RNF123: variants seen among roughly 807,000 people sequenced by gnomAD.
RNF123 encodes E3 ubiquitin-protein ligase RNF123.
RNF123 carries 86 observed loss-of-function variants against 168.5 expected under a neutral mutation model. That is an observed-to-expected ratio of 0.51 (90% CI 0.43 to 0.61). The LOEUF is 0.61. Among genes scored for constraint, RNF123 ranks in the 20% least tolerant of loss-of-function variants. The pLI is 0.00. For synonymous variants in RNF123, 666 were observed against 689.1 expected (o/e 0.97, Z 0.52); for missense variants, 1,419 against 1,729.7 (o/e 0.82, Z 3.19).
chr3:49,702,916 C>T (rs938750578), intron 20 of RNF123, among the ~76,000 whole-genome samples, 163 bp downstream of exon 20: 3 of 152,210 alleles, frequency 2.0e-5, no homozygotes, highest in Non-Finnish European at 4.4e-5. Context: ...GGCTTCTCCA[C>T]TGGGGCAGCA....
rs1575292483 is a variant in RNF123 at position 49,721,237 on chromosome 3, A to G, written c.3877A>G (p.Thr1293Ala). The change falls in exon 39 of 39, where the codon ACC becomes GCC. Residue 1293 changes from threonine (T) to alanine (A), a missense_variant. Thr to Ala is a moderately conservative substitution (Grantham distance 58). This residue lies in a region of RNF123 where 50 missense variants were observed against 77.2 expected (regional missense o/e 0.65). Coordinates refer to ENST00000327697, the MANE Select transcript of RNF123 (RefSeq NM_022064.5). ...MNNKDCFFCK[T>A]TIVSVEDWEK... is the part of the protein sequence containing the mutation. ...CAACAAGGACTGCTTCTTCTGCAAA[A>G]CCACCATCGTGTCTGTAGAGGACTG... The G allele has an allele frequency of 6.2e-7, 1 of 1,614,162 alleles. No individual in the cohort carries two copies. Among genetic ancestry groups the G allele is most frequent in the Non-Finnish European group, 8.5e-7 (1 of 1,180,022 alleles).
At chr3:49,716,240 G>A in intron 34 of RNF123, 63 bp downstream of exon 34, 1 of 1,584,872 alleles carries the variant, frequency 6.3e-7, no homozygotes. Flanking sequence ...GCTAGGAACA[G>A]TGAGGCCTGA....
intron 26 of RNF123, among the ~76,000 whole-genome samples, chr3:49,712,212 T>C (rs2080156812): frequency 7.3e-6 from 1 of 136,278 alleles, no homozygotes; most frequent in South Asian, 2.4e-4. Flanking sequence ...GGTGACTCCA[T>C]CTCAAAAAAA....
chr3:49,698,024 C>A, intron 6 of RNF123, 28 bp from the exon 7 acceptor site: 2 of 1,613,178 alleles, frequency 1.2e-6, no homozygotes, highest in African/African-American at 2.7e-5. Context: ...CTTTGTCCAC[C>A]TCGTGGCCCT....
At chr3:49,704,492 G>A (rs2054471910) in intron 21 of RNF123, among the ~76,000 whole-genome samples, 158 bp from the exon 22 acceptor site, 1 of 152,168 alleles carries the variant, frequency 6.6e-6, no homozygotes, top group South Asian at 2.1e-4. Context: ...GTGAAGGCTG[G>A]GTGGAGGAGG....
intron 3 of RNF123, among the ~76,000 whole-genome samples, chr3:49,696,203 C>T (rs182307446): frequency 1.7e-3 from 261 of 152,356 alleles, no homozygotes; most frequent in Non-Finnish European, 3.0e-3. Flanking sequence ...TTCTTCCAGA[C>T]ATCATCAGCA....
Position 49,718,736 on chromosome 3 carries a change from C to G in RNF123, c.3501-1775C>G, listed in dbSNP as rs368214804. The G allele has an allele frequency of 5.0e-6, 8 of 1,612,926 alleles. No individual in the cohort carries two copies. In the African/African-American group the frequency reaches 9.3e-5, roughly 19 times the overall value. ...AAGCATACGTACTCGCGCGCAAAGT[C>G]GCGCACGGCGCTCAGGCCCCGCTGG... On this transcript the variant is annotated intron_variant, in intron 35 of 38. Transcript: ENST00000327697.
Position 49,703,572 on chromosome 3 carries a change from G to T in RNF123, c.1852+44G>T, listed in dbSNP as rs184672885. 4.0e-6 allele frequency: 6 copies of T among 1,512,800 alleles called. No individual in the cohort carries two copies. In the East Asian group the frequency reaches 6.9e-5, roughly 17 times the overall value. The allele number at this position is 1,512,800 out of a possible 1,614,324, so 93.7% of individuals were successfully genotyped here. Reference sequence around the variant, plus strand: ...GCCGGGAGCAGTTCTGGGGCCAGGTGGGGGACTGTCCCTGAGCCTGCTCTG... The same window carrying T: ...GCCGGGAGCAGTTCTGGGGCCAGGTTGGGGACTGTCCCTGAGCCTGCTCTG... On this transcript the variant is annotated intron_variant, in intron 21 of 38. Coordinates refer to ENST00000327697, the MANE Select transcript of RNF123 (RefSeq NM_022064.5).
intron 15 of RNF123, 38 bp downstream of exon 15, chr3:49,700,747 G>A (rs1559675130): frequency 1.9e-6 from 3 of 1,605,816 alleles, no homozygotes; most frequent in African/African-American, 1.3e-5. Flanking sequence ...CAGACATGGG[G>A]TGCCCTCTGG....
intron 22 of RNF123, 103 bp downstream of exon 22, chr3:49,704,859 G>T: frequency 7.2e-7 from 1 of 1,390,864 alleles, no homozygotes; most frequent in Non-Finnish European, 9.8e-7. Context: ...GCAGGCAAAG[G>T]GTTTCTCACT....
At chr3:49,698,650 C>T in intron 8 of RNF123, 105 bp from the exon 9 acceptor site, 1 of 1,536,144 alleles carries the variant, frequency 6.5e-7, no homozygotes, top group Non-Finnish European at 9.0e-7. Context: ...GGTCCTTTGT[C>T]CTTGTGGCTA....
chr3:49,702,325 C>T lies in RNF123; in HGVS notation c.1558-9C>T. 1 of 1,614,104 alleles carries T rather than the reference C, an allele frequency of 6.2e-7. No homozygotes were observed. Among genetic ancestry groups the T allele is most frequent in the Non-Finnish European group, 8.5e-7 (1 of 1,179,918 alleles). On this transcript the variant is annotated splice_polypyrimidine_tract_variant and intron_variant, in intron 18 of 38. Transcript: ENST00000327697. ...GCTCAGCACAGCCTCACTTTTCCCT[C>T]TCTCAAAGGGTGAAGCTTCTAGGTA...
chr3:49,705,205 C>G (rs2054491159), intron 23 of RNF123, 23 bp downstream of exon 23: 8 of 1,580,720 alleles, frequency 5.1e-6, no homozygotes, highest in Middle Eastern at 3.3e-4. Flanking sequence ...TGGGGTCAGG[C>G]AGGTCCCCGA....
Position 49,705,059 on chromosome 3 carries a change from G to A in RNF123, c.2035G>A (p.Gly679Ser). The change falls in exon 23 of 39, where the codon GGC (glycine) becomes AGC (serine). Residue 679 changes from glycine to serine, a missense_variant. Gly to Ser is a moderately conservative substitution (Grantham distance 56). Coordinates refer to ENST00000327697, the MANE Select transcript of RNF123 (RefSeq NM_022064.5). Reference sequence around the variant, plus strand: ...CGGCTGGCTCAGTTCTCCAACTTTGGGCCGAGCCAACCGCTTCCTCAGCAC... The same window carrying A: ...CGGCTGGCTCAGTTCTCCAACTTTGAGCCGAGCCAACCGCTTCCTCAGCAC... ...RPGWLSSPTLGRANRFLSTAA... is the reference protein window; with the variant it reads ...RPGWLSSPTLSRANRFLSTAA... 6.2e-7 allele frequency: 1 copy of A among 1,611,780 alleles called. No homozygotes were observed. The highest frequency in any genetic ancestry group is 8.5e-7 in the Non-Finnish European group (1 of 1,179,342).
intron 26 of RNF123, among the ~76,000 whole-genome samples, chr3:49,710,353 C>T (rs562309741): frequency 1.1e-4 from 16 of 152,112 alleles, no homozygotes; most frequent in Non-Finnish European, 2.1e-4. Context: ...GATTTTGGCT[C>T]ACTGCAACCT....
At position 49,721,246 on chromosome 3, in the gene RNF123, G is replaced by A. The variant is rs746311869; in HGVS notation, c.3886G>A (p.Val1296Met). ...CTGCTTCTTCTGCAAAACCACCATCGTGTCTGTAGAGGACTGGGAGAAGGG... is the reference window on the plus strand; with the variant it reads ...CTGCTTCTTCTGCAAAACCACCATCATGTCTGTAGAGGACTGGGAGAAGGG... ...KDCFFCKTTIVSVEDWEKGAN... is the reference protein window; with the variant it reads ...KDCFFCKTTIMSVEDWEKGAN... Residue 1296 changes from valine (V) to methionine (M), a missense_variant, in exon 39 of 39, where the codon GTG becomes ATG. Around this residue, in one of 5 missense-constraint regions of RNF123, gnomAD observed 50 missense variants for 77.2 expected, o/e 0.65. Transcript: ENST00000327697. 24 of 1,614,056 alleles carry A rather than the reference G, an allele frequency of 1.5e-5. No homozygotes were observed. The highest frequency in any genetic ancestry group is 6.7e-5 in the East Asian group (3 of 44,892).
rs369539041 is a variant in RNF123, at chr3:49,712,607, T to C, written c.2625T>C (p.Ser875=). The C allele has an allele frequency of 3.8e-5, 61 of 1,614,078 alleles. No individual in the cohort carries two copies. In the African/African-American group the frequency reaches 6.4e-4, roughly 17 times the overall value. The part of the protein sequence containing the change: ...FYLSVAINSY[S]ALKNYFGPVH... ...TGAGCGTGGCCATCAACAGCTACAG[T>C]GCTCTCAAGAATTACTTTGGTCCCG... Residue 875 remains serine, a synonymous_variant, in exon 27 of 39, where the codon AGT becomes AGC. Transcript: ENST00000327697.
intron 2 of RNF123, 60 bp from the exon 3 acceptor site, chr3:49,691,365 C>A (rs2054161232): frequency 3.7e-6 from 6 of 1,600,354 alleles, no homozygotes; most frequent in Non-Finnish European, 5.1e-6. Context: ...CTGGGGCCAG[C>A]AGGGGCCAGG....
At chr3:49,717,752 G>A (rs2080276114) in intron 35 of RNF123, 2 of 643,894 alleles carry the variant, frequency 3.1e-6, no homozygotes, top group Non-Finnish European at 2.6e-6. Context: ...TGCAGGGGCA[G>A]AGCAGAAGGC....
Sources: allele counts gnomAD v4.1 joint callset (sites outside exome capture counted in the v4.1 genomes callset), GRCh38; gene constraint gnomAD v4.1.1; regional missense constraint gnomAD v4.1.1; transcripts MANE v1.5; gene names NCBI Gene and HGNC (gene_info 2026-07-23, HGNC 2026-07-21).